Variants in ZNF26 observed in about 807,000 individuals in gnomAD.
The protein encoded by ZNF26 is zinc finger protein 26.
Under a neutral mutation model 54.9 loss-of-function variants are expected in ZNF26, and 32 were observed. That is an observed-to-expected ratio of 0.58 (90% CI 0.44 to 0.78). The LOEUF (loss-of-function observed/expected upper bound fraction) is 0.78, where lower values mean the gene tolerates loss of function less well. Ranked by LOEUF, ZNF26 falls within the 30% of genes least tolerant of loss-of-function variation. The pLI is 0.00. For synonymous variants in ZNF26, 221 were observed against 209.2 expected (o/e 1.06, Z -0.49); for missense variants, 524 against 634.0 (o/e 0.83, Z 1.86).
intron 1 of ZNF26, chr12:132,987,625 G>A: frequency 2.4e-6 from 2 of 849,840 alleles, no homozygotes; most frequent in African/African-American, 1.8e-5. Context: ...CCCTGGGAAT[G>A]ACTTTCGCAG....
In ZNF26 at chr12:133,011,854, T is replaced by C. The variant is rs1050876611; in HGVS notation, c.*373T>C. 6.3e-6 allele frequency: 1 copy of C among 159,896 alleles called. No individual in the cohort carries two copies. Among genetic ancestry groups the C allele is most frequent in the Non-Finnish European group, 1.4e-5 (1 of 72,920 alleles). The allele number at this position is 159,896 out of a possible 1,614,324, so 9.9% of individuals were successfully genotyped here. On this transcript the variant is annotated 3_prime_UTR_variant, in exon 4 of 4. Transcript: ENST00000328654. ...GTGTTTTTGTAAAATAAAATCTTGG[T>C]ATGAACAGTTGACTTCATGGTGGAG...
At position 133,007,049 on chromosome 12, in the gene ZNF26, T is replaced by C; in HGVS notation, c.41T>C (p.Leu14Ser). The part of the protein sequence containing the change: ...SFRTASCWGL[L>S]SFKDISMEFT... ...GGGTGTGTGTTATTTCAGGGATTAT[T>C]GTCATTCAAGGATATATCTATGGAG... The change falls in exon 2 of 4, where the codon TTG becomes TCG. Residue 14 changes from leucine (L) to serine (S), a missense_variant. Coordinates refer to ENST00000328654, the MANE Select transcript of ZNF26 (RefSeq NM_019591.4). 6.2e-7 allele frequency: 1 copy of C among 1,614,192 alleles called. No homozygotes were observed. The highest frequency in any genetic ancestry group is 8.5e-7 in the Non-Finnish European group (1 of 1,180,024).
chr12:132,986,890 C>A lies in ZNF26; in HGVS notation c.33+17C>A. 6.2e-7 allele frequency: 1 copy of A among 1,601,540 alleles called. No individual in the cohort carries two copies. The highest frequency in any genetic ancestry group is 8.5e-7 in the Non-Finnish European group (1 of 1,173,938). Reference sequence around the variant, plus strand: ...TCGTGCTGGGTAAGTAGAGACTTTCCGTGTTTAAAATTCGACTGGATACTG... The same window carrying A: ...TCGTGCTGGGTAAGTAGAGACTTTCAGTGTTTAAAATTCGACTGGATACTG... On this transcript the variant is annotated intron_variant, in intron 1 of 3. Coordinates refer to ENST00000328654, the MANE Select transcript of ZNF26 (RefSeq NM_019591.4).
chr12:133,005,780 A>G (rs1463675787), intron 1 of ZNF26: 1 of 152,276 alleles, frequency 6.6e-6, no homozygotes, highest in East Asian at 1.9e-4. Flanking sequence ...AAGTTATGAC[A>G]TAGCAAGAAG....
intron 1 of ZNF26, among the ~76,000 whole-genome samples, chr12:132,992,147 CAA>C (rs60317056): frequency 5.6e-5 from 8 of 143,410 alleles, no homozygotes; most frequent in Non-Finnish European, 7.7e-5. Context: ...GACCCTATCT[CAA>C]AAAAAAAAAA....
rs1391890006 is a variant in ZNF26 at position 133,014,009 on chromosome 12, T to C, written c.*2528T>C. ...AAAACCTGCCACCTCCTGATACAGA[T>C]AGAACCCCTTCCCTTTTCTGGGAAA... On this transcript the variant is annotated 3_prime_UTR_variant, in exon 4 of 4. Transcript: ENST00000328654. 1 of 152,220 alleles carries C rather than the reference T, an allele frequency of 6.6e-6. No individual in the cohort carries two copies. The highest frequency in any genetic ancestry group is 1.5e-5 in the Non-Finnish European group (1 of 68,046). 9.4% of individuals were successfully genotyped at this position (152,220 alleles called of 1,614,324 possible).
In ZNF26 at chr12:132,986,460, C is replaced by G. The variant is rs1952819743; in HGVS notation, c.-381C>G. 2 of 246,332 alleles carry G rather than the reference C, an allele frequency of 8.1e-6. No individual in the cohort carries two copies. The highest frequency in any genetic ancestry group is 1.6e-4 in the South Asian group (2 of 12,432). The allele number at this position is 246,332 out of a possible 1,614,324, so 15.3% of individuals were successfully genotyped here. The stretch of plus-strand genomic sequence containing the variant: ...GGCCAGCGGGTGTACCTGGCTGAGT[C>G]TCTGTGGCCGCGGAGGCGCGGAGCT... On this transcript the variant is annotated 5_prime_UTR_variant, in exon 1 of 4. Transcript: ENST00000328654.
chr12:132,994,199 A>G (rs933060126), intron 1 of ZNF26, among the ~76,000 whole-genome samples: 19 of 152,260 alleles, frequency 1.2e-4, no homozygotes, highest in African/African-American at 4.1e-4. Flanking sequence ...GCCTCTAGCA[A>G]TTTGTCAGTT....
chr12:132,994,973 G>A (rs1386772209), intron 1 of ZNF26, among the ~76,000 whole-genome samples: 1 of 152,118 alleles, frequency 6.6e-6, no homozygotes, highest in Non-Finnish European at 1.5e-5. Flanking sequence ...ATTGTCAAAT[G>A]CCCCCGGGGG....
Position 133,011,479 on chromosome 12 carries a change from T to G in ZNF26, c.1600T>G (p.Ter534GlyextTer19). Residue 534 changes from the stop codon to glycine, a stop_lost, in exon 4 of 4, where the codon TGA becomes GGA. Transcript: ENST00000328654. Reference sequence around the variant, plus strand: ...TCGTATACATCGGAAGACTCATAAATGAGAAATCAGAATGATGCAATGTGA... The same window carrying G: ...TCGTATACATCGGAAGACTCATAAAGGAGAAATCAGAATGATGCAATGTGA... ...GLRIHRKTHK[*>G] 1 of 1,536,574 alleles carries G rather than the reference T, an allele frequency of 6.5e-7. No homozygotes were observed. The highest frequency in any genetic ancestry group is 8.7e-7 in the Non-Finnish European group (1 of 1,145,580).
Position 133,010,837 on chromosome 12 carries a change from G to C in ZNF26, c.958G>C (p.Gly320Arg). The C allele has an allele frequency of 6.2e-7, 1 of 1,614,136 alleles. No individual in the cohort carries two copies. Among genetic ancestry groups the C allele is most frequent in the East Asian group, 2.2e-5 (1 of 44,882 alleles). ...GAAACCCCATAAATGCAGTGAATGT[G>C]GGAAAGCCTTTAGGAGTAAGTCCTA... ...GVKPHKCSECGKAFRSKSYLL... is the reference protein window; with the variant it reads ...GVKPHKCSECRKAFRSKSYLL... Residue 320 changes from glycine (G) to arginine (R), a missense_variant, in exon 4 of 4, where the codon GGG becomes CGG. Coordinates refer to ENST00000328654, the MANE Select transcript of ZNF26 (RefSeq NM_019591.4).
In ZNF26 at chr12:133,026,912, TAG is replaced by T; in HGVS notation, c.*15434_*15435del. On this transcript the variant is annotated 3_prime_UTR_variant, in exon 4 of 4. Coordinates refer to ENST00000328654, the MANE Select transcript of ZNF26 (RefSeq NM_019591.4). ...TCATTTTAACCAAATAATGTAGAAA[TAG>T]AGTGATATGAAACATAAATACCTAT... 6.6e-6 allele frequency: 1 copy of T among 152,182 alleles called. No individual in the cohort carries two copies. Among genetic ancestry groups the T allele is most frequent in the Non-Finnish European group, 1.5e-5 (1 of 68,038 alleles). 9.4% of individuals were successfully genotyped at this position (152,182 alleles called of 1,614,324 possible).
intron 3 of ZNF26, 74 bp from the exon 4 acceptor site, chr12:133,010,062 T>C (rs1953434947): frequency 6.9e-7 from 1 of 1,454,140 alleles, no homozygotes; most frequent in African/African-American, 1.4e-5. Flanking sequence ...TACATCACAG[T>C]CCTAATACTG....
intron 1 of ZNF26, among the ~76,000 whole-genome samples, chr12:132,987,929 T>C (rs1197704682): frequency 1.3e-5 from 2 of 152,372 alleles, no homozygotes; most frequent in South Asian, 2.1e-4. Flanking sequence ...CTGGGCTCTT[T>C]ATTGAGTTCT....
In ZNF26 at chr12:133,026,519, C is replaced by CTTTTTTTTTTTTTTTTTTTTTTT. The variant is rs77349696; in HGVS notation, c.*15041_*15063dup. The CTTTTTTTTTTTTTTTTTTTTTTT allele has an allele frequency of 8.2e-6, 1 of 122,466 alleles. No individual in the cohort carries two copies. The highest frequency in any genetic ancestry group is 1.6e-5 in the Non-Finnish European group (1 of 61,450). The allele number at this position is 122,466 out of a possible 1,614,324, so 7.6% of individuals were successfully genotyped here. ...AAAAGGACAACTTCATATAGTTCAA[C>CTTTTTTTTTTTTTTTTTTTTTTT]TTTTTTTTTTTTTTTTTTTTTTTTT... On this transcript the variant is annotated 3_prime_UTR_variant, in exon 4 of 4. Transcript: ENST00000328654.
At chr12:133,005,924 CT>C (rs1236985595) in intron 1 of ZNF26, 1 of 190,630 alleles carries the variant, frequency 5.2e-6, no homozygotes, top group Non-Finnish European at 9.7e-6. Context: ...AGACAGCAGT[CT>C]TTTCGGTGTC....
intron 1 of ZNF26, among the ~76,000 whole-genome samples, chr12:132,998,914 T>C (rs1953149806): frequency 6.6e-6 from 1 of 152,190 alleles, no homozygotes; most frequent in Admixed American, 6.5e-5. Flanking sequence ...TTTGGAGAAA[T>C]CAGGTAGAGA....
chr12:133,007,516 C>G lies in ZNF26; in HGVS notation c.240C>G (p.Ser80=). The G allele has an allele frequency of 6.2e-7, 1 of 1,613,386 alleles. No homozygotes were observed. Among genetic ancestry groups the G allele is most frequent in the Non-Finnish European group, 8.5e-7 (1 of 1,179,552 alleles). Residue 80 remains serine (S), a synonymous_variant, in exon 3 of 4, where the codon TCC becomes TCG. Transcript: ENST00000328654. ...CATGGATAATAAATGCCAAAATTTC[C>G]AGGCAGAGCTGTCCAGGTGGGTGAG... The part of the protein sequence containing the change: ...EDPWIINAKI[S]RQSCPDGWEE...
chr12:132,987,699 A>G, intron 1 of ZNF26: 1 of 985,454 alleles, frequency 1.0e-6, no homozygotes, highest in Non-Finnish European at 1.2e-6. Context: ...AACTGGAAAT[A>G]CATAAAGACA....
Sources: gnomAD v4.1 joint callset for allele counts (sites outside exome capture counted in the v4.1 genomes callset) on GRCh38, gnomAD v4.1.1 for gene constraint, MANE v1.5 for transcripts, NCBI Gene and HGNC (gene_info 2026-07-23, HGNC 2026-07-21) for gene names.